The following CDYL variants were observed in gnomAD, a reference collection of about 807,000 sequenced individuals.
CDYL encodes the protein chromodomain Y-like protein.
A neutral mutation model predicts 47.3 loss-of-function variants in CDYL; 8 were observed. The ratio of observed to expected loss-of-function variants is 0.17; its 90% CI spans 0.10 to 0.31. The LOEUF (loss-of-function observed/expected upper bound fraction) is 0.31. Ranked by LOEUF, CDYL falls within the 10% of genes least tolerant of loss-of-function variation. CDYL has a pLI of 1.00. For missense variants in CDYL, 471 were observed against 701.4 expected (o/e 0.67, Z 3.71); for synonymous variants, 266 against 265.0 (o/e 1.00, Z -0.04).
intron 1 of CDYL, chr6:4,890,063 G>C: frequency 1.0e-6 from 1 of 985,480 alleles, no homozygotes; most frequent in East Asian, 1.1e-4. Context: ...GGAAACAGAG[G>C]AAAGCAAACG....
At chr6:4,727,848 C>T (rs1757543114) in intron 2 of CDYL, among the ~76,000 whole-genome samples, 1 of 152,040 alleles carries the variant, frequency 6.6e-6, no homozygotes, top group Admixed American at 6.6e-5. Flanking sequence ...TGGTGACAAA[C>T]GGTATGTTGA....
chr6:4,930,898 C>T (rs1758014201), intron 2 of CDYL, among the ~76,000 whole-genome samples: 1 of 152,204 alleles, frequency 6.6e-6, no homozygotes, highest in African/African-American at 2.4e-5. Context: ...CTTGTACTCC[C>T]GTGTCAACGA....
intron 1 of CDYL, among the ~76,000 whole-genome samples, chr6:4,706,752 G>A (rs1032874420): frequency 1.6e-4 from 24 of 152,148 alleles, no homozygotes; most frequent in Admixed American, 9.2e-4. Flanking sequence ...TGGCACCACT[G>A]CACTCCAGCC....
At chr6:4,921,173 G>T (rs533678883) in intron 2 of CDYL, among the ~76,000 whole-genome samples, 3 of 152,338 alleles carry the variant, frequency 2.0e-5, no homozygotes, top group Admixed American at 2.0e-4. Context: ...AGAGATGGGT[G>T]TGTTTTAAGC....
intron 1 of CDYL, among the ~76,000 whole-genome samples, chr6:4,815,561 T>G (rs1276532152): frequency 4.6e-5 from 7 of 152,340 alleles, no homozygotes; most frequent in African/African-American, 1.7e-4. Flanking sequence ...TACTCACAGA[T>G]TGAGTGCCTG....
rs191844458 is a variant in CDYL, at chr6:4,829,934, T to C, written c.24+53127T>C. On this transcript the variant is annotated intron_variant, in intron 1 of 6. Coordinates refer to ENST00000397588, the MANE Select transcript of CDYL (RefSeq NM_004824.4). ...AATACCACAAACCTTTCCTGTAATTTTGAAGTTGCTAGCTTCTTGATTCAA... is the reference window on the plus strand; with the variant it reads ...AATACCACAAACCTTTCCTGTAATTCTGAAGTTGCTAGCTTCTTGATTCAA... Among the ~76,000 whole-genome samples the C allele has an allele frequency of 6.2e-3, 948 of 152,368 alleles. 7 individuals carry two copies. The highest frequency in any genetic ancestry group is 0.034 in the Middle Eastern group (10 of 294).
intron 1 of CDYL, among the ~76,000 whole-genome samples, chr6:4,878,915 C>T (rs1050557998): frequency 3.3e-5 from 5 of 151,784 alleles, no homozygotes; most frequent in Non-Finnish European, 7.4e-5. Flanking sequence ...TTAGCTGGAT[C>T]CCACAGTATT....
intron 3 of CDYL, among the ~76,000 whole-genome samples, chr6:4,738,888 G>A (rs974597175): frequency 1.3e-5 from 2 of 152,202 alleles, no homozygotes; most frequent in African/African-American, 4.8e-5. Flanking sequence ...GTGGCCGGGC[G>A]CAGCGGCTCA....
At position 4,795,940 on chromosome 6, in the gene CDYL, C is replaced by A. The variant is rs1759060260; in HGVS notation, c.24+19133C>A. ...TTTTTTTCACTTTCAGATTTTTTTT[C>A]TGTTTATTTAAAATACATTCACTTT... On this transcript the variant is annotated intron_variant, in intron 1 of 6. Transcript: ENST00000397588. Among the ~76,000 whole-genome samples the A allele has an allele frequency of 2.0e-5, 3 of 151,740 alleles. 1 individual carries two copies. The South Asian group carries it at 6.2e-4, about 31-fold the overall frequency.
At chr6:4,874,922 G>A (rs534276351) in intron 1 of CDYL, among the ~76,000 whole-genome samples, 1 of 152,158 alleles carries the variant, frequency 6.6e-6, no homozygotes, top group Non-Finnish European at 1.5e-5. Context: ...AACATACCCA[G>A]CATGTTTATC....
chr6:4,728,249 T>G (rs1390265950), intron 2 of CDYL, among the ~76,000 whole-genome samples: 1 of 152,242 alleles, frequency 6.6e-6, no homozygotes, highest in Non-Finnish European at 1.5e-5. Context: ...CTGATCCACA[T>G]CTGAGCCAAT....
At chr6:4,767,661 T>C (rs1326012543) in intron 3 of CDYL, among the ~76,000 whole-genome samples, 1 of 152,096 alleles carries the variant, frequency 6.6e-6, no homozygotes, top group Non-Finnish European at 1.5e-5. Flanking sequence ...TCTAATTAAA[T>C]AGGCCTACAA....
chr6:4,909,192 G>C (rs779656580), intron 2 of CDYL, among the ~76,000 whole-genome samples: 4 of 152,182 alleles, frequency 2.6e-5, no homozygotes, highest in African/African-American at 7.2e-5. Context: ...GTGTTGGAGA[G>C]AAGATACATT....
intron 1 of CDYL, among the ~76,000 whole-genome samples, chr6:4,785,931 C>A (rs566872283): frequency 4.6e-5 from 7 of 152,320 alleles, no homozygotes; most frequent in Non-Finnish European, 1.0e-4. Context: ...CTCCGTGGGG[C>A]CAGTCCTGCG....
chr6:4,870,501 A>G lies in CDYL; in HGVS notation c.25-21212A>G, dbSNP rs188397691. Among the ~76,000 whole-genome samples, 4 of 152,208 alleles carry G rather than the reference A, an allele frequency of 2.6e-5. No individual in the cohort carries two copies. In the East Asian group the frequency reaches 7.7e-4, roughly 29 times the overall value. On this transcript the variant is annotated intron_variant, in intron 1 of 6. Coordinates refer to ENST00000397588, the MANE Select transcript of CDYL (RefSeq NM_004824.4). ...CTAAGAATCTCTTTGTGTTTATATT[A>G]TTTGGGCTTTGTTGAGCTTCTTGGA... is the stretch of plus-strand genomic sequence containing the variant.
At chr6:4,904,646 G>A (rs1419090994) in intron 2 of CDYL, among the ~76,000 whole-genome samples, 1 of 152,098 alleles carries the variant, frequency 6.6e-6, no homozygotes, top group African/African-American at 2.4e-5. Flanking sequence ...TTTTTTTAAT[G>A]GGAACACACT....
intron 1 of CDYL, among the ~76,000 whole-genome samples, chr6:4,831,441 T>C (rs1259678583): frequency 6.6e-6 from 1 of 152,174 alleles, no homozygotes; most frequent in Admixed American, 6.5e-5. Flanking sequence ...GATCTATATC[T>C]CTGTTTTGGT....
chr6:4,868,521 T>TA (rs1761384671), intron 1 of CDYL, among the ~76,000 whole-genome samples: 1 of 152,168 alleles, frequency 6.6e-6, no homozygotes, highest in East Asian at 1.9e-4. Context: ...AGGATCTTTT[T>TA]ATATATCTTA....
At chr6:4,725,324 C>T (rs1033065167) in intron 2 of CDYL, among the ~76,000 whole-genome samples, 5 of 152,262 alleles carry the variant, frequency 3.3e-5, no homozygotes, top group South Asian at 2.1e-4. Flanking sequence ...TGCGCCTGTG[C>T]GCCCACACTC....
Sources: allele counts gnomAD v4.1 joint callset (sites outside exome capture counted in the v4.1 genomes callset), GRCh38; gene constraint gnomAD v4.1.1; transcripts MANE v1.5; gene names NCBI Gene and HGNC (gene_info 2026-07-23, HGNC 2026-07-21).